SHB: variants seen among roughly 807,000 people sequenced by gnomAD.
The protein encoded by SHB is SH2 domain-containing adapter protein B.
SHB carries 20 observed loss-of-function variants against 52.3 expected under a neutral mutation model. That is an observed-to-expected ratio of 0.38 (90% CI 0.27 to 0.56). The LOEUF is 0.56. Among genes scored for constraint, SHB ranks in the 20% least tolerant of loss-of-function variants. The probability of loss-of-function intolerance (pLI) is 0.71; values close to 1 mark genes in which losing one functional copy is unlikely to be tolerated. For missense variants in SHB, 825 were observed against 723.3 expected, an observed-to-expected ratio of 1.14 and a Z score of -1.61; for synonymous variants, 397 against 316.5, an observed-to-expected ratio of 1.25 and a Z score of -2.70.
intron 5 of SHB, among the ~76,000 whole-genome samples, chr9:37,923,269 C>A (rs140063984): frequency 2.0e-5 from 3 of 152,350 alleles, no homozygotes; most frequent in Non-Finnish European, 4.4e-5. Context: ...ATCCCCTCCA[C>A]GCTGATCTTC....
chr9:38,051,212 C>T (rs1001127905), intron 1 of SHB, among the ~76,000 whole-genome samples: 2 of 151,966 alleles, frequency 1.3e-5, no homozygotes, highest in African/African-American at 4.8e-5. Context: ...GAAGGCGAGG[C>T]GGGCAGATCA....
rs184930187 is a variant in SHB, at chr9:37,995,573, T to C, written c.838+20438A>G. On this transcript the variant is annotated intron_variant, in intron 2 of 5. Coordinates refer to ENST00000377707, the MANE Select transcript of SHB (RefSeq NM_003028.3). ...CTCAGAGGCCCTACTGAATCTTGCA[T>C]CACCCCAAAGGTCCTTACACTCTCA... 2.9e-3 allele frequency among the ~76,000 whole-genome samples: 437 copies of C among 152,320 alleles called. 4 individuals carry two copies. Among genetic ancestry groups the C allele is most frequent in the African/African-American group, 0.01 (417 of 41,574 alleles).
chr9:38,023,785 T>C (rs900082586), intron 1 of SHB, among the ~76,000 whole-genome samples: 32 of 152,120 alleles, frequency 2.1e-4, no homozygotes, highest in African/African-American at 5.6e-4. Context: ...AAGTGTGACT[T>C]GCCTATGGCC....
chr9:38,038,370 A>G (rs919198030), intron 1 of SHB, among the ~76,000 whole-genome samples: 1 of 152,146 alleles, frequency 6.6e-6, no homozygotes, highest in Non-Finnish European at 1.5e-5. Context: ...CATAAAACAC[A>G]TCTGTGTCTG....
chr9:37,931,101 C>T (rs933916695), intron 5 of SHB, among the ~76,000 whole-genome samples: 3 of 152,126 alleles, frequency 2.0e-5, no homozygotes, highest in African/African-American at 7.2e-5. Context: ...TTCTATTACA[C>T]ACAAAAAATC....
At chr9:38,016,752 A>G (rs1821219176) in intron 1 of SHB, among the ~76,000 whole-genome samples, 1 of 152,222 alleles carries the variant, frequency 6.6e-6, no homozygotes. Context: ...CAGGGCCAGT[A>G]AGGACCTGAA....
rs559806259 is a variant in SHB, at chr9:37,997,480, G to A, written c.838+18531C>T. The stretch of plus-strand genomic sequence containing the variant: ...TGCCTCCTTTTCCCCTGGAACCTGA[G>A]TGATCGAAATACCTCTGTGGAGGTC... On this transcript the variant is annotated intron_variant, in intron 2 of 5. Transcript: ENST00000377707. 6.6e-5 allele frequency among the ~76,000 whole-genome samples: 10 copies of A among 152,322 alleles called. No individual in the cohort carries two copies. In the South Asian group the frequency reaches 2.1e-3, roughly 32 times the overall value.
intron 1 of SHB, among the ~76,000 whole-genome samples, chr9:38,026,247 G>A (rs574017147): frequency 3.0e-4 from 45 of 152,358 alleles, no homozygotes; most frequent in African/African-American, 1.0e-3. Context: ...GCCAAGGCCC[G>A]GGAGTCACCA....
chr9:37,925,564 T>C (rs1832239038), intron 5 of SHB, among the ~76,000 whole-genome samples: 1 of 152,164 alleles, frequency 6.6e-6, no homozygotes, highest in African/African-American at 2.4e-5. Context: ...AAATAAAACA[T>C]GAAAGTGAGA....
intron 4 of SHB, among the ~76,000 whole-genome samples, chr9:37,951,897 T>C (rs1176687959): frequency 6.6e-6 from 1 of 152,130 alleles, no homozygotes; most frequent in Non-Finnish European, 1.5e-5. Context: ...GGCTGGGCGG[T>C]CCTGTGGGGG....
rs1277771942 is a variant in SHB, at chr9:37,917,280, T to G, written c.*2541A>C. Reference sequence around the variant, plus strand: ...TGGCTCCTCTGCTGGCCTCTGTCCCTGAGAGGGGCAGGAGGTTGGGCCTCC... The same window carrying G: ...TGGCTCCTCTGCTGGCCTCTGTCCCGGAGAGGGGCAGGAGGTTGGGCCTCC... On this transcript the variant is annotated 3_prime_UTR_variant, in exon 6 of 6. Coordinates refer to ENST00000377707, the MANE Select transcript of SHB (RefSeq NM_003028.3). Among the ~76,000 whole-genome samples, 2 of 152,096 alleles carry G rather than the reference T, an allele frequency of 1.3e-5. No homozygotes were observed. Among genetic ancestry groups the G allele is most frequent in the African/African-American group, 4.8e-5 (2 of 41,430 alleles).
At chr9:37,964,394 T>C (rs1413223653) in intron 3 of SHB, among the ~76,000 whole-genome samples, 3 of 152,122 alleles carry the variant, frequency 2.0e-5, no homozygotes, top group Admixed American at 2.0e-4. Context: ...TCTTCTCTTA[T>C]TTGTGACATC....
chr9:37,996,403 C>T (rs998675843), intron 2 of SHB, among the ~76,000 whole-genome samples: 8 of 152,216 alleles, frequency 5.3e-5, no homozygotes, highest in African/African-American at 1.9e-4. Context: ...CTGTCCAGCC[C>T]TTGGGTGGAG....
intron 1 of SHB, among the ~76,000 whole-genome samples, chr9:38,060,186 A>T (rs563273009): frequency 8.4e-4 from 127 of 151,944 alleles, no homozygotes; most frequent in Admixed American, 4.7e-3. Context: ...TATTATTATT[A>T]TTTTTTGAGA....
At chr9:37,943,321 C>T (rs1023403550) in intron 5 of SHB, among the ~76,000 whole-genome samples, 5 of 152,098 alleles carry the variant, frequency 3.3e-5, no homozygotes, top group East Asian at 1.9e-4. Context: ...ACACATTCTC[C>T]GTGAGTTATA....
intron 5 of SHB, among the ~76,000 whole-genome samples, chr9:37,921,111 C>G (rs757923153): frequency 1.3e-5 from 2 of 152,198 alleles, no homozygotes; most frequent in Non-Finnish European, 2.9e-5. Flanking sequence ...TTTTATGATT[C>G]TACTGTGATT....
chr9:38,041,331 G>A (rs1448478059), intron 1 of SHB, among the ~76,000 whole-genome samples: 1 of 152,212 alleles, frequency 6.6e-6, no homozygotes, highest in African/African-American at 2.4e-5. Flanking sequence ...GTATGGGGAA[G>A]GGACTCAGAC....
chr9:37,918,976 G>A lies in SHB; in HGVS notation c.*845C>T, dbSNP rs577148053. Among the ~76,000 whole-genome samples the A allele has an allele frequency of 6.1e-4, 93 of 152,304 alleles. 1 individual carries two copies. The highest frequency in any genetic ancestry group is 1.0e-3 in the Non-Finnish European group (69 of 68,016). ...TCAGAGCAGACGGCTCTTGTGTCCA[G>A]AGCTGCTGAGGGCTGGAGCTGAGGC... On this transcript the variant is annotated 3_prime_UTR_variant, in exon 6 of 6. Coordinates refer to ENST00000377707, the MANE Select transcript of SHB (RefSeq NM_003028.3).
intron 2 of SHB, among the ~76,000 whole-genome samples, chr9:37,994,298 A>G (rs1244403337): frequency 6.6e-6 from 1 of 152,230 alleles, no homozygotes; most frequent in Non-Finnish European, 1.5e-5. Context: ...AGTAGATATG[A>G]AAGAGTAACC....
Sources: allele counts gnomAD v4.1 joint callset (sites outside exome capture counted in the v4.1 genomes callset), GRCh38; gene constraint gnomAD v4.1.1; transcripts MANE v1.5; gene names NCBI Gene and HGNC (gene_info 2026-07-23, HGNC 2026-07-21).